Variants in NUDCD1 observed in about 807,000 individuals in gnomAD.
NUDCD1 encodes nudC domain-containing protein 1.
NUDCD1 carries 60 observed loss-of-function variants against 67.8 expected under a neutral mutation model. The observed-to-expected ratio is 0.88, with a 90% CI of 0.72 to 1.10. The LOEUF (loss-of-function observed/expected upper bound fraction) is 1.10. NUDCD1 is among the 50% of genes least tolerant of loss of function. NUDCD1 has a pLI of 0.00. For missense variants in NUDCD1, 643 were observed against 695.0 expected (o/e 0.93, Z 0.84); for synonymous variants, 244 against 230.8 (o/e 1.06, Z -0.52).
chr8:109,299,185 G>T (rs1166615306), intron 2 of NUDCD1, among the ~76,000 whole-genome samples: 1 of 152,174 alleles, frequency 6.6e-6, no homozygotes, highest in Admixed American at 6.5e-5. Context: ...CCGGGCAAAG[G>T]CCACAGGGAA....
At chr8:109,301,678 GCTACCCTTCAATCTCCCTCTCTTA>G (rs1421701014) in intron 2 of NUDCD1, among the ~76,000 whole-genome samples, 3 of 152,126 alleles carry the variant, frequency 2.0e-5, no homozygotes, top group East Asian at 1.9e-4. Context: ...AGCCTCTCTT[GCTACCCTTCAATCTCCCTCTCTTA>G]CTACCCTTCA....
At position 109,242,842 on chromosome 8, in the gene NUDCD1, T is replaced by C; in HGVS notation, c.*167A>G. ...AATCTGCAGCTTCATTCCACAGCTT[T>C]ACAGAATCATAATCTCTTGAATATA... is the stretch of plus-strand genomic sequence containing the variant. On this transcript the variant is annotated 3_prime_UTR_variant, in exon 10 of 10. Coordinates refer to ENST00000239690, the MANE Select transcript of NUDCD1 (RefSeq NM_032869.4). 2.3e-6 allele frequency: 1 copy of C among 436,412 alleles called. No homozygotes were observed. The highest frequency in any genetic ancestry group is 4.0e-6 in the Non-Finnish European group (1 of 247,378). The allele number at this position is 436,412 out of a possible 1,614,324, so 27.0% of individuals were successfully genotyped here.
At chr8:109,256,513 C>A (rs994056778) in intron 8 of NUDCD1, among the ~76,000 whole-genome samples, 2 of 152,010 alleles carry the variant, frequency 1.3e-5, no homozygotes, top group Non-Finnish European at 2.9e-5. Context: ...TCTTTGTAGA[C>A]CATGGTAAGG....
intron 7 of NUDCD1, among the ~76,000 whole-genome samples, chr8:109,274,860 T>C (rs1272408157): frequency 6.6e-6 from 1 of 152,182 alleles, no homozygotes; most frequent in Non-Finnish European, 1.5e-5. Context: ...AGTGGGAATG[T>C]ATTCAACCTC....
In NUDCD1 at chr8:109,242,988, G is replaced by T; in HGVS notation, c.*21C>A. The T allele has an allele frequency of 6.6e-7, 1 of 1,510,524 alleles. No individual in the cohort carries two copies. Among genetic ancestry groups the T allele is most frequent in the Non-Finnish European group, 9.1e-7 (1 of 1,095,740 alleles). 93.6% of individuals were successfully genotyped at this position (1,510,524 alleles called of 1,614,324 possible). ...CCACTGAATACTTTTCCAGTACAAAGAGGCCAATATGTTAGAATAATTAAT... is the reference window on the plus strand; with the variant it reads ...CCACTGAATACTTTTCCAGTACAAATAGGCCAATATGTTAGAATAATTAAT... On this transcript the variant is annotated 3_prime_UTR_variant, in exon 10 of 10. Coordinates refer to ENST00000239690, the MANE Select transcript of NUDCD1 (RefSeq NM_032869.4).
At chr8:109,246,199 T>C (rs1459542917) in intron 8 of NUDCD1, among the ~76,000 whole-genome samples, 2 of 152,206 alleles carry the variant, frequency 1.3e-5, no homozygotes, top group Non-Finnish European at 2.9e-5. Flanking sequence ...AAGCAGACTA[T>C]TTTTAGGCCA....
At chr8:109,284,175 A>G (rs1814521905) in intron 5 of NUDCD1, among the ~76,000 whole-genome samples, 1 of 152,156 alleles carries the variant, frequency 6.6e-6, no homozygotes, top group African/African-American at 2.4e-5. Flanking sequence ...TTAAACCAAC[A>G]AAGGTAAAAA....
chr8:109,320,310 G>C (rs866450905), intron 2 of NUDCD1, among the ~76,000 whole-genome samples: 4 of 152,110 alleles, frequency 2.6e-5, no homozygotes, highest in Admixed American at 2.0e-4. Flanking sequence ...CCATGCCCAG[G>C]GGGGCCAGTT....
intron 2 of NUDCD1, among the ~76,000 whole-genome samples, chr8:109,320,285 G>C (rs556280254): frequency 2.6e-5 from 4 of 152,058 alleles, no homozygotes; most frequent in African/African-American, 4.8e-5. Flanking sequence ...CTGCAGTCTC[G>C]ACCATAAGAG....
intron 3 of NUDCD1, among the ~76,000 whole-genome samples, chr8:109,294,845 G>C (rs74373081): frequency 1.3e-5 from 2 of 151,636 alleles, no homozygotes; most frequent in Non-Finnish European, 2.9e-5. Context: ...ACCATGCTCC[G>C]TAATCACTTC....
At chr8:109,327,811 A>T (rs1815713751) in intron 1 of NUDCD1, among the ~76,000 whole-genome samples, 1 of 152,172 alleles carries the variant, frequency 6.6e-6, no homozygotes, top group Non-Finnish European at 1.5e-5. Flanking sequence ...CTCGCAAAAT[A>T]AACAAATAAA....
chr8:109,248,199 A>G (rs1813542401), intron 8 of NUDCD1, among the ~76,000 whole-genome samples: 1 of 152,188 alleles, frequency 6.6e-6, no homozygotes, highest in Non-Finnish European at 1.5e-5. Context: ...AGAAGTTAGA[A>G]ATGGCAAGGA....
At chr8:109,284,255 A>C (rs1345302469) in intron 5 of NUDCD1, among the ~76,000 whole-genome samples, 1 of 152,208 alleles carries the variant, frequency 6.6e-6, no homozygotes, top group Non-Finnish European at 1.5e-5. Context: ...CCAAATATAT[A>C]TGTGCTCAAC....
chr8:109,317,450 A>C (rs371097824), intron 2 of NUDCD1, among the ~76,000 whole-genome samples: 28 of 152,152 alleles, frequency 1.8e-4, no homozygotes, highest in East Asian at 1.2e-3. Flanking sequence ...GACTCTTACA[A>C]ACATCCTATG....
chr8:109,270,713 T>TAA (rs1586265881), intron 8 of NUDCD1, among the ~76,000 whole-genome samples: 2 of 151,512 alleles, frequency 1.3e-5, no homozygotes, highest in East Asian at 3.9e-4. Flanking sequence ...AAGTCCATAC[T>TAA]GTTGAATGAA....
chr8:109,309,178 T>A (rs373432825), intron 2 of NUDCD1, among the ~76,000 whole-genome samples: 2 of 151,576 alleles, frequency 1.3e-5, no homozygotes, highest in African/African-American at 4.9e-5. Context: ...TACAGAGAGA[T>A]ATCCTTGATG....
intron 7 of NUDCD1, among the ~76,000 whole-genome samples, chr8:109,271,515 G>A (rs1814157021): frequency 6.6e-6 from 1 of 152,104 alleles, no homozygotes. Context: ...AATAGCAATA[G>A]TGACTACAAA....
chr8:109,284,063 G>A (rs964047014), intron 5 of NUDCD1, among the ~76,000 whole-genome samples: 2 of 149,636 alleles, frequency 1.3e-5, no homozygotes, highest in African/African-American at 5.0e-5. Context: ...AACACATAAT[G>A]ACACCCACAG....
chr8:109,267,170 A>G (rs1814022535), intron 8 of NUDCD1, among the ~76,000 whole-genome samples: 1 of 152,192 alleles, frequency 6.6e-6, no homozygotes, highest in Admixed American at 6.5e-5. Flanking sequence ...CAAGTTTGCT[A>G]CATAGGTAAA....
Sources: gnomAD v4.1 joint callset for allele counts (sites outside exome capture counted in the v4.1 genomes callset) on GRCh38, gnomAD v4.1.1 for gene constraint, MANE v1.5 for transcripts, NCBI Gene and HGNC (gene_info 2026-07-23, HGNC 2026-07-21) for gene names.